The following AP4S1 variants were observed in gnomAD, a reference collection of about 807,000 sequenced individuals.
AP4S1 encodes the protein AP-4 complex subunit sigma-1.
In AP4S1, 23 loss-of-function variants were observed where a neutral mutation model predicts 19.8. The observed-to-expected ratio is 1.16, with a 90% confidence interval of 0.84 to 1.65. The LOEUF (loss-of-function observed/expected upper bound fraction) is 1.65. Ranked by LOEUF, AP4S1 falls within the 40% of genes most tolerant of loss-of-function variation. The pLI is 0.00. For synonymous variants in AP4S1, 46 were observed against 54.1 expected, an observed-to-expected ratio of 0.85 and a Z score of 0.66; for missense variants, 166 against 172.8, an observed-to-expected ratio of 0.96 and a Z score of 0.22.
chr14:31,080,442 G>GC, intron 4 of AP4S1, 131 bp from the exon 5 acceptor site: 2 of 746,044 alleles, frequency 2.7e-6, no homozygotes, highest in Non-Finnish European at 4.7e-6. Context: ...GACTGCTGTG[G>GC]CCACCAAGCC....
At chr14:31,085,784 T>C (rs976701872) in intron 5 of AP4S1, 3 of 971,180 alleles carry the variant, frequency 3.1e-6, no homozygotes, top group Admixed American at 1.2e-4. Context: ...AAAATAAAAA[T>C]AAAAACATCT....
chr14:31,062,355 T>G (rs184871304), intron 1 of AP4S1, among the ~76,000 whole-genome samples: 283 of 152,016 alleles, frequency 1.9e-3, no homozygotes, highest in African/African-American at 6.5e-3. Context: ...CTCCTCGGCC[T>G]CCCAAAGCAC....
At chr14:31,031,277 C>T (rs1480895651) in intron 1 of AP4S1, among the ~76,000 whole-genome samples, 2 of 152,138 alleles carry the variant, frequency 1.3e-5, no homozygotes, top group African/African-American at 4.8e-5. Flanking sequence ...AGTATGAAAA[C>T]GGACTAATAC....
chr14:31,082,545 G>T (rs1472511872), intron 5 of AP4S1, among the ~76,000 whole-genome samples: 1 of 152,198 alleles, frequency 6.6e-6, no homozygotes, highest in Non-Finnish European at 1.5e-5. Flanking sequence ...CCACTGACTA[G>T]CTGTGTGTAT....
Position 31,055,660 on chromosome 14 carries a change from G to T in AP4S1, c.-71-10466G>T, listed in dbSNP as rs192335219. Among the ~76,000 whole-genome samples the T allele has an allele frequency of 2.7e-4, 41 of 151,982 alleles. 1 individual carries two copies. The highest frequency in any genetic ancestry group is 6.6e-4 in the Admixed American group (10 of 15,236). On this transcript the variant is annotated intron_variant, in intron 1 of 5. Transcript: ENST00000542754. Reference sequence around the variant, plus strand: ...GGTGAAAATTTGCTTTTTAACTTTGGGGATTTTATTTAAATCACTTTTCAG... The same window carrying T: ...GGTGAAAATTTGCTTTTTAACTTTGTGGATTTTATTTAAATCACTTTTCAG...
At chr14:31,039,581 T>G (rs12889172) in intron 1 of AP4S1, among the ~76,000 whole-genome samples, 4 of 136,526 alleles carry the variant, frequency 2.9e-5, no homozygotes, top group East Asian at 2.0e-4. Context: ...TGTTTTTTTT[T>G]TTTTTTTTTG....
chr14:31,057,008 A>C (rs537313480), intron 1 of AP4S1, among the ~76,000 whole-genome samples: 1 of 152,286 alleles, frequency 6.6e-6, no homozygotes, highest in South Asian at 2.1e-4. Context: ...TGGGAGGTCA[A>C]AGTTGCAGTG....
At chr14:31,033,823 A>G (rs1247889490) in intron 1 of AP4S1, among the ~76,000 whole-genome samples, 1 of 152,254 alleles carries the variant, frequency 6.6e-6, no homozygotes, top group Non-Finnish European at 1.5e-5. Flanking sequence ...CCAAACCTTT[A>G]GGAAACTCAG....
chr14:31,071,754 G>A (rs1490966027), intron 3 of AP4S1, among the ~76,000 whole-genome samples: 1 of 151,752 alleles, frequency 6.6e-6, no homozygotes, highest in African/African-American at 2.4e-5. Context: ...CCATCACCCA[G>A]GCTAGAATGC....
chr14:31,038,199 T>G (rs919393270), intron 1 of AP4S1, among the ~76,000 whole-genome samples: 1 of 152,108 alleles, frequency 6.6e-6, no homozygotes, highest in Non-Finnish European at 1.5e-5. Context: ...GTGGAAAGAG[T>G]GATTAGCTCA....
upstream of AP4S1, chr14:31,025,634 C>T (rs1883803175): frequency 1.9e-6 from 1 of 523,304 alleles, no homozygotes; most frequent in African/African-American, 2.0e-5. Flanking sequence ...CCGGAGGAGC[C>T]CCCGCAGACG....
At chr14:31,049,427 AAATATATATATAT>A (rs1355652429) in intron 1 of AP4S1, among the ~76,000 whole-genome samples, 3 of 32,970 alleles carry the variant, frequency 9.1e-5, no homozygotes, top group African/African-American at 3.3e-4. Flanking sequence ...AAAAAAAAAA[AAATATATATATAT>A]ATATATATAT....
chr14:31,095,511 G>A lies in AP4S1; in HGVS notation c.*2476G>A, dbSNP rs991834150. 6.6e-5 allele frequency: 10 copies of A among 152,038 alleles called. No individual in the cohort carries two copies. Among genetic ancestry groups the A allele is most frequent in the African/African-American group, 2.4e-4 (10 of 41,388 alleles). The allele number at this position is 152,038 out of a possible 1,614,324, so 9.4% of individuals were successfully genotyped here. A position where few individuals can be genotyped will look rare whatever the true frequency, so the allele number is the denominator to read the frequency against. On this transcript the variant is annotated 3_prime_UTR_variant, in exon 6 of 6. Coordinates refer to ENST00000542754, the MANE Select transcript of AP4S1 (RefSeq NM_001128126.3). ...GCCTCACTACAGCCTGTACCTCCTG[G>A]GCTCAGGTGCTCCTCCCACCTCAGC...
chr14:31,026,376 A>T (rs938504491), intron 1 of AP4S1: 4 of 270,258 alleles, frequency 1.5e-5, no homozygotes. Flanking sequence ...TCCCTCCTCC[A>T]TCTGCCCGTC....
Position 31,035,880 on chromosome 14 carries a change from G to A in AP4S1, c.-72+10093G>A, listed in dbSNP as rs371117406. On this transcript the variant is annotated intron_variant, in intron 1 of 5. Transcript: ENST00000542754. ...CGAGTAGCTGGGACTACAGGTGCCC[G>A]CCACAAGGCCCGGCTAATTTTTTGT... 3.4e-4 allele frequency among the ~76,000 whole-genome samples: 51 copies of A among 151,820 alleles called. 1 individual carries two copies. The East Asian group carries it at 3.5e-3, about 10-fold the overall frequency.
chr14:31,049,474 T>TACACACACACACACACACACAC (rs1165169644), intron 1 of AP4S1, among the ~76,000 whole-genome samples: 154 of 57,158 alleles, frequency 2.7e-3, no homozygotes, highest in Non-Finnish European at 4.3e-3. Flanking sequence ...TATATATATG[T>TACACACACACACACACACACAC]ACACACACAC....
At chr14:31,042,415 A>G (rs1885162512) in intron 1 of AP4S1, among the ~76,000 whole-genome samples, 1 of 152,106 alleles carries the variant, frequency 6.6e-6, no homozygotes, top group Non-Finnish European at 1.5e-5. Context: ...GGCCATTACC[A>G]CTTTATATCT....
chr14:31,032,633 C>T (rs868350793), intron 1 of AP4S1, among the ~76,000 whole-genome samples: 1 of 151,528 alleles, frequency 6.6e-6, no homozygotes, highest in Admixed American at 6.6e-5. Context: ...AAGCGATTCT[C>T]CTGCCTCAGC....
chr14:31,086,786 T>C (rs1594716342), intron 5 of AP4S1, among the ~76,000 whole-genome samples: 1 of 152,166 alleles, frequency 6.6e-6, no homozygotes, highest in African/African-American at 2.4e-5. Context: ...TTTAGAGTCG[T>C]AGGAGCCGGA....
Sources: gnomAD v4.1 joint callset for allele counts (sites outside exome capture counted in the v4.1 genomes callset) on GRCh38, gnomAD v4.1.1 for gene constraint, MANE v1.5 for transcripts, NCBI Gene and HGNC (gene_info 2026-07-23, HGNC 2026-07-21) for gene names.